Variants in LRRC63 observed in about 807,000 individuals in gnomAD.
LRRC63 encodes the protein leucine-rich repeat-containing protein 63.
In LRRC63, 40 loss-of-function variants were observed where a neutral mutation model predicts 49.5. That is an observed-to-expected ratio of 0.81 (90% confidence interval 0.63 to 1.05). The LOEUF (loss-of-function observed/expected upper bound fraction) is 1.05, where lower values mean the gene tolerates loss of function less well. Among genes scored for constraint, LRRC63 ranks in the 50% least tolerant of loss-of-function variants. The pLI is 0.00. For missense variants in LRRC63, 636 were observed against 663.1 expected, an observed-to-expected ratio of 0.96 and a Z score of 0.45; for synonymous variants, 191 against 221.1, an observed-to-expected ratio of 0.86 and a Z score of 1.21.
chr13:46,215,848 T>C (rs2046235938), intron 2 of LRRC63, among the ~76,000 whole-genome samples: 1 of 152,232 alleles, frequency 6.6e-6, no homozygotes, highest in Admixed American at 6.5e-5. Flanking sequence ...TAGCCAGTTT[T>C]CCGAGCACCA....
chr13:46,230,795 C>T (rs1272248712), intron 4 of LRRC63, among the ~76,000 whole-genome samples: 1 of 152,204 alleles, frequency 6.6e-6, no homozygotes, highest in Non-Finnish European at 1.5e-5. Flanking sequence ...AATCTGCTTC[C>T]CTTTCGAATA....
chr13:46,261,644 C>G (rs962645320), intron 7 of LRRC63, among the ~76,000 whole-genome samples: 1 of 151,984 alleles, frequency 6.6e-6, no homozygotes, highest in Non-Finnish European at 1.5e-5. Flanking sequence ...ACAACAACAA[C>G]AAAAAAGTAT....
At position 46,246,636 on chromosome 13, in the gene LRRC63, T is replaced by C. The variant is rs948487093; in HGVS notation, c.1089+11T>C. On this transcript the variant is annotated intron_variant, in intron 6 of 9. Transcript: ENST00000595396. ...TACTTTCCCACAGAAGTGAGTCAAC[T>C]TTTATTGTTATGTACTGATATAACT... 43 of 1,300,058 alleles carry C rather than the reference T, an allele frequency of 3.3e-5. No homozygotes were observed. The highest frequency in any genetic ancestry group is 4.1e-5 in the Non-Finnish European group (40 of 983,604). The allele number at this position is 1,300,058 out of a possible 1,614,324, so 80.5% of individuals were successfully genotyped here.
Position 46,212,202 on chromosome 13 carries a change from G to A in LRRC63, c.-91G>A, listed in dbSNP as rs41315028. ...ACGGAAGGGAGATTTCCAGCATCGT[G>A]TGGAACATATGACCAGGGAGTACAC... On this transcript the variant is annotated 5_prime_UTR_variant, in exon 1 of 10. It adds an upstream start codon to the 5' untranslated region. Coordinates refer to ENST00000595396, the Ensembl canonical transcript of LRRC63. The A allele has an allele frequency of 0.21, 32,091 of 152,226 alleles. 4,095 individuals are homozygous for A. The highest frequency in any genetic ancestry group is 0.34 in the East Asian group (1,751 of 5,166). 9.4% of individuals were successfully genotyped at this position (152,226 alleles called of 1,614,324 possible). A position where few individuals can be genotyped will look rare whatever the true frequency, so the allele number is the denominator to read the frequency against.
intron 4 of LRRC63, 26 bp downstream of exon 4, chr13:46,228,759 T>C: frequency 1.4e-6 from 2 of 1,434,144 alleles, no homozygotes; most frequent in Non-Finnish European, 1.9e-6. Flanking sequence ...ATACAATTCT[T>C]TTAGAAAATG....
At chr13:46,276,676 A>C in exon 10 of LRRC63, 1 of 1,231,272 alleles carries the variant, frequency 8.1e-7, no homozygotes, top group South Asian at 4.1e-5. Context: ...GGAGCATCAC[A>C]GCTTCCAGTT....
chr13:46,262,052 T>C, intron 8 of LRRC63, 60 bp downstream of exon 8: 1 of 526,376 alleles, frequency 1.9e-6, no homozygotes, highest in African/African-American at 2.0e-5. Context: ...ATAATGATTG[T>C]GATAGAGAAA....
intron 7 of LRRC63, among the ~76,000 whole-genome samples, chr13:46,258,997 T>A (rs2047571297): frequency 6.6e-6 from 1 of 152,080 alleles, no homozygotes. Context: ...AAGTTCTATT[T>A]GAGTAAAGCA....
chr13:46,228,511 G>A (rs1488789767), intron 3 of LRRC63, among the ~76,000 whole-genome samples, 154 bp from the exon 4 acceptor site: 1 of 152,180 alleles, frequency 6.6e-6, no homozygotes, highest in Non-Finnish European at 1.5e-5. Context: ...AACTCCAGAA[G>A]TAGAATGCCA....
intron 6 of LRRC63, among the ~76,000 whole-genome samples, chr13:46,248,911 A>T (rs529087615): frequency 1.5e-5 from 1 of 67,564 alleles, no homozygotes; most frequent in South Asian, 5.1e-4. Context: ...GTCTCAATAA[A>T]TTTAAAAGGA....
intron 4 of LRRC63, 96 bp from the exon 5 acceptor site, chr13:46,234,096 G>A (rs1360938381): frequency 4.3e-6 from 5 of 1,170,074 alleles, no homozygotes; most frequent in Non-Finnish European, 4.8e-6. Context: ...AGTCCTTAGG[G>A]TAACTCAATA....
chr13:46,213,196 A>G (rs2046144653), intron 2 of LRRC63, 77 bp downstream of exon 2: 2 of 905,006 alleles, frequency 2.2e-6, no homozygotes, highest in Admixed American at 2.9e-5. Flanking sequence ...ACAGCTCAGA[A>G]TCACAATAAA....
chr13:46,253,589 A>G (rs891956332), intron 7 of LRRC63, among the ~76,000 whole-genome samples: 1 of 152,110 alleles, frequency 6.6e-6, no homozygotes, highest in Non-Finnish European at 1.5e-5. Context: ...AAGAATATTC[A>G]TGCAGTGGGA....
At chr13:46,258,450 T>C (rs1022770816) in intron 7 of LRRC63, among the ~76,000 whole-genome samples, 9 of 151,106 alleles carry the variant, frequency 6.0e-5, no homozygotes, top group Non-Finnish European at 1.0e-4. Context: ...TTAACTTCAG[T>C]TTCCATCTGA....
At chr13:46,243,231 C>T (rs12866449) in intron 5 of LRRC63, among the ~76,000 whole-genome samples, 23,447 of 152,020 alleles carry the variant, frequency 0.15, 2,384 homozygotes, top group African/African-American at 0.28. Flanking sequence ...TGAGCAAAGT[C>T]AAGTTGTCAT....
chr13:46,215,810 G>A (rs889690461), intron 2 of LRRC63, among the ~76,000 whole-genome samples: 1 of 152,108 alleles, frequency 6.6e-6, no homozygotes, highest in East Asian at 1.9e-4. Context: ...GTAAGGAAGG[G>A]GTCCAGTTTC....
intron 5 of LRRC63, among the ~76,000 whole-genome samples, chr13:46,239,309 C>T (rs956297440): frequency 3.9e-5 from 6 of 152,166 alleles, no homozygotes; most frequent in Admixed American, 3.9e-4. Context: ...GGGGAAGTTA[C>T]TCCTGACCCC....
At chr13:46,247,296 T>C (rs1343413703) in intron 6 of LRRC63, among the ~76,000 whole-genome samples, 1 of 152,150 alleles carries the variant, frequency 6.6e-6, no homozygotes, top group East Asian at 1.9e-4. Context: ...TGTTTTTATT[T>C]TCAATTGGAG....
rs905464062 is a variant in LRRC63, at chr13:46,234,350, G to T, written c.990+1G>T. 1 of 1,549,086 alleles carries T rather than the reference G, an allele frequency of 6.5e-7. No homozygotes were observed. Among genetic ancestry groups the T allele is most frequent in the African/African-American group, 1.4e-5 (1 of 73,088 alleles). On this transcript the variant is annotated splice_donor_variant, in intron 5 of 9. Transcript: ENST00000595396. LOFTEE classifies it high-confidence loss of function. ...TGGGAGAAATGCACTTAATCTGAAG[G>T]TATGCTAGATCTTTTTAATGACAGT...
Sources: allele counts gnomAD v4.1 joint callset (sites outside exome capture counted in the v4.1 genomes callset), GRCh38; gene constraint gnomAD v4.1.1; transcripts MANE v1.5; gene names NCBI Gene and HGNC (gene_info 2026-07-23, HGNC 2026-07-21).